Variants in KDM4C observed in about 807,000 individuals in gnomAD.
KDM4C encodes the protein lysine-specific demethylase 4C.
A neutral mutation model predicts 129.3 loss-of-function variants in KDM4C; 81 were observed. The observed-to-expected ratio is 0.63, with a 90% CI of 0.52 to 0.75. KDM4C has a LOEUF of 0.75. KDM4C is among the 30% of genes least tolerant of loss of function. The pLI is 0.00. For synonymous variants in KDM4C, 573 were observed against 456.1 expected (o/e 1.26, Z -3.26); for missense variants, 1,457 against 1,304.0 (o/e 1.12, Z -1.81).
intron 19 of KDM4C, among the ~76,000 whole-genome samples, chr9:7,156,752 G>A (rs1268479124): frequency 1.3e-5 from 2 of 152,192 alleles, no homozygotes; most frequent in Admixed American, 6.5e-5. Flanking sequence ...TTTGGTTACT[G>A]TAGCCTTGTA....
intron 17 of KDM4C, among the ~76,000 whole-genome samples, chr9:7,071,059 A>G (rs960658): frequency 0.56 from 84,473 of 152,070 alleles, 24,357 homozygotes; most frequent in Non-Finnish European, 0.64. Flanking sequence ...ATAAAAATCC[A>G]TTTCCATTAA....
intron 1 of KDM4C, chr9:6,734,946 TC>T (rs1817474554): frequency 1.7e-6 from 1 of 572,656 alleles, no homozygotes; most frequent in African/African-American, 1.9e-5. Flanking sequence ...TTCAGAGGGA[TC>T]TATATGTCTG....
chr9:6,891,791 C>G (rs536390980), intron 7 of KDM4C, among the ~76,000 whole-genome samples: 161 of 152,126 alleles, frequency 1.1e-3, no homozygotes, highest in African/African-American at 3.8e-3. Flanking sequence ...TCTTCTCCCT[C>G]CCAGAGATAA....
intron 1 of KDM4C, among the ~76,000 whole-genome samples, chr9:6,762,464 G>A (rs761467800): frequency 2.6e-5 from 4 of 151,976 alleles, no homozygotes; most frequent in Non-Finnish European, 2.9e-5. Flanking sequence ...GAGCCACTGT[G>A]CTTGGCCTGC....
intron 12 of KDM4C, among the ~76,000 whole-genome samples, chr9:7,006,355 C>G (rs1197228312): frequency 1.3e-5 from 2 of 152,164 alleles, no homozygotes; most frequent in African/African-American, 4.8e-5. Context: ...GCAGACCTCT[C>G]TGACTGTTGG....
At chr9:7,141,544 C>A (rs1210086449) in intron 19 of KDM4C, among the ~76,000 whole-genome samples, 1 of 152,030 alleles carries the variant, frequency 6.6e-6, no homozygotes, top group African/African-American at 2.4e-5. Context: ...ATAATGGGGG[C>A]CAAGGAAGAA....
chr9:6,811,278 C>T (rs1333281428), intron 3 of KDM4C, among the ~76,000 whole-genome samples: 7 of 152,120 alleles, frequency 4.6e-5, no homozygotes, highest in South Asian at 2.1e-4. Flanking sequence ...CTCAGCCTCC[C>T]GAGCAGCTGG....
chr9:6,804,890 A>C (rs1829681108), intron 2 of KDM4C, among the ~76,000 whole-genome samples: 1 of 152,098 alleles, frequency 6.6e-6, no homozygotes, highest in Non-Finnish European at 1.5e-5. Context: ...ATTTATGTAA[A>C]CATAATTTCG....
chr9:6,926,036 C>T (rs914719586), intron 8 of KDM4C, among the ~76,000 whole-genome samples: 2 of 151,996 alleles, frequency 1.3e-5, no homozygotes, highest in Admixed American at 6.6e-5. Flanking sequence ...ATAGCCGCTG[C>T]GAACTGTAAA....
intron 5 of KDM4C, among the ~76,000 whole-genome samples, chr9:6,860,741 ATTAAAG>A (rs530145415): frequency 5.9e-5 from 9 of 152,340 alleles, no homozygotes; most frequent in African/African-American, 2.2e-4. Flanking sequence ...TAGTTTTTAC[ATTAAAG>A]TTAGTGTGTT....
intron 20 of KDM4C, among the ~76,000 whole-genome samples, chr9:7,169,049 T>TAAAA (rs77258477): frequency 1.6e-5 from 2 of 128,062 alleles, no homozygotes; most frequent in South Asian, 5.2e-4. Context: ...TGTCTCAATT[T>TAAAA]AAAAAAAAAA....
chr9:6,780,635 T>G (rs1438614582), intron 1 of KDM4C, among the ~76,000 whole-genome samples: 1 of 151,678 alleles, frequency 6.6e-6, no homozygotes, highest in Non-Finnish European at 1.5e-5. Context: ...GGTGTGATAC[T>G]GTCCACCTGT....
intron 8 of KDM4C, among the ~76,000 whole-genome samples, chr9:6,939,356 A>G (rs987823896): frequency 1.3e-5 from 2 of 152,062 alleles, no homozygotes; most frequent in Non-Finnish European, 2.9e-5. Flanking sequence ...CCGTGAGGGC[A>G]TGGCCTAGTT....
intron 8 of KDM4C, among the ~76,000 whole-genome samples, chr9:6,956,270 C>T (rs1829049632): frequency 6.6e-6 from 1 of 152,126 alleles, no homozygotes; most frequent in African/African-American, 2.4e-5. Flanking sequence ...GTTTGTAACT[C>T]AAAGGATAAA....
intron 4 of KDM4C, among the ~76,000 whole-genome samples, chr9:6,825,281 A>G (rs1339060151): frequency 6.6e-6 from 1 of 152,170 alleles, no homozygotes; most frequent in Non-Finnish European, 1.5e-5. Flanking sequence ...ATACTAATTA[A>G]TGTTCTGGTA....
At chr9:6,845,954 T>C (rs1837784245) in intron 4 of KDM4C, among the ~76,000 whole-genome samples, 2 of 152,196 alleles carry the variant, frequency 1.3e-5, no homozygotes, top group Admixed American at 6.5e-5. Context: ...TAACTTGTCA[T>C]TGTGGGGCTT....
intron 8 of KDM4C, among the ~76,000 whole-genome samples, chr9:6,952,980 T>TA (rs1828448902): frequency 6.6e-6 from 1 of 152,212 alleles, no homozygotes; most frequent in Non-Finnish European, 1.5e-5. Context: ...CTTGCATTTT[T>TA]ATGTGATGTC....
chr9:6,984,286 C>A lies in KDM4C; in HGVS notation c.1236C>A (p.Val412=). The A allele has an allele frequency of 1.2e-6, 2 of 1,613,904 alleles. No homozygotes were observed. Among genetic ancestry groups the A allele is most frequent in the South Asian group, 2.2e-5 (2 of 91,038 alleles). Residue 412 remains valine (V), a synonymous_variant, in exon 10 of 22, where the codon GTC becomes GTA. Transcript: ENST00000381309. ...ACTCAGTCACAGATGACCTCAAGGT[C>A]AGTGAAAAGTCAGAAGCAGCAGTGA... ...NPDSVTDDLK[V]SEKSEAAVKL... is the part of the protein sequence containing the mutation.
chr9:6,877,902 A>G (rs537702368), intron 5 of KDM4C, among the ~76,000 whole-genome samples: 1 of 152,228 alleles, frequency 6.6e-6, no homozygotes, highest in Non-Finnish European at 1.5e-5. Context: ...TTTTGGGCTC[A>G]TTCAGGGAAC....
Sources: allele counts gnomAD v4.1 joint callset (sites outside exome capture counted in the v4.1 genomes callset), GRCh38; gene constraint gnomAD v4.1.1; transcripts MANE v1.5; gene names NCBI Gene and HGNC (gene_info 2026-07-23, HGNC 2026-07-21).